Variants in SLC25A26 observed in about 807,000 individuals in gnomAD.
SLC25A26 encodes the protein solute carrier family 25 member 26.
Under a neutral mutation model 37.8 loss-of-function variants are expected in SLC25A26, and 36 were observed. The observed-to-expected ratio is 0.95, with a 90% CI of 0.73 to 1.26. SLC25A26 has a LOEUF of 1.26. Among genes scored for constraint, SLC25A26 ranks in the 50% most tolerant of loss-of-function variants. The pLI is 0.00. For synonymous variants in SLC25A26, 129 were observed against 122.5 expected (o/e 1.05, Z -0.35); for missense variants, 390 against 331.1 (o/e 1.18, Z -1.38).
intron 1 of SLC25A26, among the ~76,000 whole-genome samples, chr3:66,180,835 C>T (rs535622053): frequency 3.9e-5 from 6 of 152,246 alleles, no homozygotes; most frequent in African/African-American, 1.4e-4. Context: ...GCCCTAACCC[C>T]CAGTGTGACT....
chr3:66,175,109 G>GTATATATATATATA (rs769631849), intron 1 of SLC25A26, among the ~76,000 whole-genome samples: 21 of 97,280 alleles, frequency 2.2e-4, no homozygotes, highest in Admixed American at 3.5e-4. Context: ...ATGTGTGTGT[G>GTATATATATATATA]TATATATATA....
intron 1 of SLC25A26, among the ~76,000 whole-genome samples, chr3:66,157,861 G>A (rs996797053): frequency 6.6e-6 from 1 of 152,176 alleles, no homozygotes; most frequent in Non-Finnish European, 1.5e-5. Context: ...CAACATGTCT[G>A]ATGTCTTTCA....
rs115142875 is a variant in SLC25A26, at chr3:66,345,241, T to C, written c.454-1123T>C. Among the ~76,000 whole-genome samples, 384 of 152,248 alleles carry C rather than the reference T, an allele frequency of 2.5e-3. 2 individuals carry two copies. Among genetic ancestry groups the C allele is most frequent in the African/African-American group, 9.1e-3 (377 of 41,570 alleles). ...CGTCCCCCTGTGTTTTGTTAGACCC[T>C]CTCCACTCCCCTAGCATTGACTGAT... is the stretch of plus-strand genomic sequence containing the variant. On this transcript the variant is annotated intron_variant, in intron 5 of 9. Coordinates refer to ENST00000354883, the MANE Select transcript of SLC25A26 (RefSeq NM_001379210.1).
chr3:66,227,926 CTCTTA>C lies in SLC25A26; in HGVS notation c.33+6804_33+6808del, dbSNP rs202057830. ...TGTTTTGTTGTTTTTCTTGTTTTGCCTCTTATCTTTTCTGGATAGTGACCTCCTAG... is the reference window on the plus strand; with the variant it reads ...TGTTTTGTTGTTTTTCTTGTTTTGCCTCTTTTCTGGATAGTGACCTCCTAG... On this transcript the variant is annotated intron_variant, in intron 1 of 9. Transcript: ENST00000354883. Among the ~76,000 whole-genome samples the C allele has an allele frequency of 3.4e-3, 517 of 152,210 alleles. 12 individuals carry two copies. The East Asian group carries it at 0.061, about 18-fold the overall frequency.
intron 5 of SLC25A26, among the ~76,000 whole-genome samples, chr3:66,335,009 T>G (rs566681345): frequency 6.6e-6 from 1 of 152,266 alleles, no homozygotes; most frequent in African/African-American, 2.4e-5. Flanking sequence ...TTGGCTGATA[T>G]AAATGAACTG....
intron 1 of SLC25A26, among the ~76,000 whole-genome samples, chr3:66,208,180 T>A (rs1010548779): frequency 2.2e-4 from 33 of 152,294 alleles, no homozygotes; most frequent in African/African-American, 3.1e-4. Flanking sequence ...AGATTTTTTT[T>A]AAATCTTCCT....
At chr3:66,233,599 A>G (rs2072134223) in intron 1 of SLC25A26, among the ~76,000 whole-genome samples, 1 of 152,218 alleles carries the variant, frequency 6.6e-6, no homozygotes, top group South Asian at 2.1e-4. Context: ...AACAATATTG[A>G]TATAGGCATT....
At chr3:66,232,310 ATTTTTC>A (rs1264005081) in intron 1 of SLC25A26, among the ~76,000 whole-genome samples, 2 of 152,088 alleles carry the variant, frequency 1.3e-5, no homozygotes, top group East Asian at 1.9e-4. Flanking sequence ...AGTCATTTAT[ATTTTTC>A]TTTTGGGAAT....
At chr3:66,236,981 C>T (rs1459327326) in intron 2 of SLC25A26, among the ~76,000 whole-genome samples, 2 of 152,124 alleles carry the variant, frequency 1.3e-5, no homozygotes, top group Non-Finnish European at 2.9e-5. Context: ...GGACTACAGG[C>T]GTGCACCACC....
At chr3:66,358,478 G>A (rs1157465145) in intron 6 of SLC25A26, among the ~76,000 whole-genome samples, 2 of 152,178 alleles carry the variant, frequency 1.3e-5, no homozygotes, top group African/African-American at 4.8e-5. Context: ...TAGAAATTGT[G>A]ATTTGCGTGT....
intron 5 of SLC25A26, among the ~76,000 whole-genome samples, chr3:66,327,912 G>C (rs1250775265): frequency 6.7e-6 from 1 of 149,766 alleles, no homozygotes; most frequent in Non-Finnish European, 1.5e-5. Flanking sequence ...CTTTAATGAA[G>C]ATACAAAAAA....
intron 1 of SLC25A26, among the ~76,000 whole-genome samples, chr3:66,134,892 G>A (rs2069924297): frequency 6.6e-6 from 1 of 151,660 alleles, no homozygotes; most frequent in African/African-American, 2.4e-5. Context: ...GTGCAATGGC[G>A]TGATCTCGAC....
intron 1 of SLC25A26, among the ~76,000 whole-genome samples, chr3:66,210,302 G>A (rs2071267011): frequency 1.3e-5 from 2 of 151,780 alleles, no homozygotes; most frequent in South Asian, 4.2e-4. Flanking sequence ...TAAGTTCTGG[G>A]GAAAAAATAT....
chr3:66,241,529 T>A (rs1216088897), intron 2 of SLC25A26, among the ~76,000 whole-genome samples: 4 of 152,180 alleles, frequency 2.6e-5, no homozygotes, highest in Non-Finnish European at 5.9e-5. Flanking sequence ...TTTACATTCT[T>A]CCCTCGGGAG....
At chr3:66,291,996 A>G (rs1046099230) in intron 5 of SLC25A26, among the ~76,000 whole-genome samples, 1 of 151,298 alleles carries the variant, frequency 6.6e-6, no homozygotes, top group Admixed American at 6.5e-5. Context: ...TATTGGGTGC[A>G]TATGTATTTA....
intron 1 of SLC25A26, among the ~76,000 whole-genome samples, chr3:66,187,869 A>G (rs1296008837): frequency 8.6e-5 from 13 of 151,676 alleles, no homozygotes; most frequent in South Asian, 8.4e-4. Flanking sequence ...GAGAATGAAA[A>G]GACTCTGAAG....
At chr3:66,366,648 G>C (rs981268672) in intron 7 of SLC25A26, among the ~76,000 whole-genome samples, 1 of 152,188 alleles carries the variant, frequency 6.6e-6, no homozygotes. Context: ...GCCAAAATAA[G>C]TTTGATTTGC....
intron 7 of SLC25A26, among the ~76,000 whole-genome samples, chr3:66,368,984 G>C (rs1700184656): frequency 7.1e-6 from 1 of 141,208 alleles, no homozygotes; most frequent in Admixed American, 7.3e-5. Context: ...TCACACCACT[G>C]CACTCCAGTC....
chr3:66,304,307 C>A (rs1559677860), intron 5 of SLC25A26: 2 of 399,494 alleles, frequency 5.0e-6, no homozygotes, highest in Non-Finnish European at 9.9e-6. Context: ...ATCTTGGGGG[C>A]CTCCCACAAT....
Sources: allele counts gnomAD v4.1 joint callset (sites outside exome capture counted in the v4.1 genomes callset), GRCh38; gene constraint gnomAD v4.1.1; transcripts MANE v1.5; gene names NCBI Gene and HGNC (gene_info 2026-07-23, HGNC 2026-07-21).